FAM53B: variants seen among roughly 807,000 people sequenced by gnomAD.
FAM53B encodes protein FAM53B.
FAM53B carries 12 observed loss-of-function variants against 32.7 expected under a neutral mutation model. The ratio of observed to expected loss-of-function variants is 0.37; its 90% CI spans 0.24 to 0.59. The LOEUF is 0.59. Ranked by LOEUF, FAM53B falls within the 20% of genes least tolerant of loss-of-function variation. The probability of loss-of-function intolerance (pLI) is 0.72; values close to 1 mark genes in which losing one functional copy is unlikely to be tolerated. For missense variants in FAM53B, 477 were observed against 577.7 expected, an observed-to-expected ratio of 0.83 and a Z score of 1.79; for synonymous variants, 234 against 228.7, an observed-to-expected ratio of 1.02 and a Z score of -0.21.
intron 1 of FAM53B, among the ~76,000 whole-genome samples, chr10:124,727,318 C>G (rs1205969218): frequency 4.7e-5 from 5 of 106,086 alleles, no homozygotes; most frequent in Non-Finnish European, 9.3e-5. Flanking sequence ...AGGTGAAGCA[C>G]CTGAGTGATT....
At chr10:124,697,474 C>A (rs747594534) in intron 2 of FAM53B, among the ~76,000 whole-genome samples, 3 of 152,144 alleles carry the variant, frequency 2.0e-5, no homozygotes, top group Non-Finnish European at 4.4e-5. Flanking sequence ...CCAGCTCCCT[C>A]ACTTCATCCC....
chr10:124,624,754 C>T (rs1949334581), intron 4 of FAM53B, among the ~76,000 whole-genome samples: 1 of 139,242 alleles, frequency 7.2e-6, no homozygotes, highest in Non-Finnish European at 1.7e-5. Flanking sequence ...CAAGTGGGTG[C>T]AGTTCAACAC....
intron 1 of FAM53B, among the ~76,000 whole-genome samples, chr10:124,732,426 A>G (rs1364081833): frequency 6.6e-6 from 1 of 152,186 alleles, no homozygotes; most frequent in African/African-American, 2.4e-5. Context: ...GGAGCTCCTC[A>G]GGTGAGCAGA....
At chr10:124,676,163 C>CGT (rs1949735318) in intron 4 of FAM53B, among the ~76,000 whole-genome samples, 1 of 152,228 alleles carries the variant, frequency 6.6e-6, no homozygotes, top group African/African-American at 2.4e-5. Context: ...CAACTACTCT[C>CGT]GTGTGCCTGC....
At chr10:124,642,170 G>C (rs1317284185) in intron 4 of FAM53B, among the ~76,000 whole-genome samples, 1 of 152,222 alleles carries the variant, frequency 6.6e-6, no homozygotes, top group Non-Finnish European at 1.5e-5. Context: ...CAGACCACAG[G>C]GCGGCCACTT....
chr10:124,694,645 A>C (rs1949857200), intron 3 of FAM53B, among the ~76,000 whole-genome samples: 1 of 152,350 alleles, frequency 6.6e-6, no homozygotes, highest in South Asian at 2.1e-4. Flanking sequence ...TGACGCAGGA[A>C]GGAAGCGCAA....
At chr10:124,627,393 C>T (rs1949362630) in intron 4 of FAM53B, among the ~76,000 whole-genome samples, 1 of 152,184 alleles carries the variant, frequency 6.6e-6, no homozygotes, top group African/African-American at 2.4e-5. Flanking sequence ...GCCTGTGTGC[C>T]CTCAAAAATG....
chr10:124,712,764 G>A (rs527988284), intron 1 of FAM53B, among the ~76,000 whole-genome samples: 37 of 152,228 alleles, frequency 2.4e-4, no homozygotes, highest in Non-Finnish European at 4.9e-4. Flanking sequence ...TGATCATGGA[G>A]ACACAGTGCT....
chr10:124,704,550 G>A (rs1399540782), intron 2 of FAM53B, among the ~76,000 whole-genome samples: 8 of 152,226 alleles, frequency 5.3e-5, no homozygotes, highest in African/African-American at 1.9e-4. Flanking sequence ...GTCCTACTGT[G>A]GGGAGAGGGC....
chr10:124,683,020 C>T (rs1949782899), intron 3 of FAM53B, among the ~76,000 whole-genome samples: 2 of 152,224 alleles, frequency 1.3e-5, no homozygotes, highest in African/African-American at 4.8e-5. Context: ...CCAATGGCTG[C>T]CAATCACAGC....
At chr10:124,712,838 G>A (rs768594938) in intron 1 of FAM53B, among the ~76,000 whole-genome samples, 24 of 152,218 alleles carry the variant, frequency 1.6e-4, no homozygotes, top group Non-Finnish European at 2.4e-4. Context: ...CCACTGAAAA[G>A]AGCAAAAGGC....
intron 4 of FAM53B, among the ~76,000 whole-genome samples, chr10:124,640,554 T>A (rs1949463847): frequency 6.6e-6 from 1 of 152,208 alleles, no homozygotes; most frequent in African/African-American, 2.4e-5. Context: ...TCTTGTCTTG[T>A]CCTGGGAACA....
intron 4 of FAM53B, among the ~76,000 whole-genome samples, chr10:124,638,919 G>A (rs1949452541): frequency 1.3e-5 from 2 of 152,222 alleles, no homozygotes; most frequent in Admixed American, 1.3e-4. Context: ...GAGTGGTGGG[G>A]ACAAAGTATA....
chr10:124,654,853 CCTGT>C (rs1337676808), intron 4 of FAM53B, among the ~76,000 whole-genome samples: 5 of 152,156 alleles, frequency 3.3e-5, no homozygotes, highest in African/African-American at 7.2e-5. Flanking sequence ...CTCTGCTCGC[CCTGT>C]CTGTGTCTGG....
At chr10:124,672,786 AGGAGCAGCT>A (rs1206226019) in intron 4 of FAM53B, among the ~76,000 whole-genome samples, 1 of 152,198 alleles carries the variant, frequency 6.6e-6, no homozygotes, top group Non-Finnish European at 1.5e-5. Flanking sequence ...CCCAGTGGCA[AGGAGCAGCT>A]GGGCTAGCAA....
At chr10:124,626,561 C>T (rs1340756322) in intron 4 of FAM53B, among the ~76,000 whole-genome samples, 1 of 152,154 alleles carries the variant, frequency 6.6e-6, no homozygotes, top group Non-Finnish European at 1.5e-5. Context: ...GAAGAGCAGG[C>T]CCTCACAAGA....
chr10:124,632,215 C>G (rs960736161), intron 4 of FAM53B, among the ~76,000 whole-genome samples: 5 of 152,264 alleles, frequency 3.3e-5, no homozygotes, highest in Non-Finnish European at 7.3e-5. Flanking sequence ...ATGGCCTGCC[C>G]GAACACAGAA....
At chr10:124,699,974 T>G (rs1417928728) in intron 2 of FAM53B, among the ~76,000 whole-genome samples, 1 of 152,236 alleles carries the variant, frequency 6.6e-6, no homozygotes, top group East Asian at 1.9e-4. Flanking sequence ...GTGAGTTAGC[T>G]GGAGATGGCC....
intron 4 of FAM53B, among the ~76,000 whole-genome samples, chr10:124,665,738 C>T (rs578195422): frequency 6.6e-6 from 1 of 152,342 alleles, no homozygotes; most frequent in Non-Finnish European, 1.5e-5. Context: ...GTGCTGTGAC[C>T]TCCAGGAGGC....
Sources: allele counts gnomAD v4.1 joint callset (sites outside exome capture counted in the v4.1 genomes callset), GRCh38; gene constraint gnomAD v4.1.1; transcripts MANE v1.5; gene names NCBI Gene and HGNC (gene_info 2026-07-23, HGNC 2026-07-21).